CCND3: variants seen among roughly 807,000 people sequenced by gnomAD.
The protein encoded by CCND3 is G1/S-specific cyclin-D3.
CCND3 carries 9 observed loss-of-function variants against 28.7 expected under a neutral mutation model. That is an observed-to-expected ratio of 0.31 (90% CI 0.19 to 0.55). The LOEUF is 0.55. CCND3 is among the 20% of genes least tolerant of loss of function. The pLI is 0.93. For missense variants in CCND3, 315 were observed against 385.8 expected (o/e 0.82, Z 1.54); for synonymous variants, 164 against 163.9 (o/e 1.00, Z 0.00).
upstream of CCND3, among the ~76,000 whole-genome samples, chr6:41,946,573 C>G (rs1193359365): frequency 8.4e-6 from 1 of 118,724 alleles, no homozygotes; most frequent in Non-Finnish European, 1.6e-5. Flanking sequence ...TGCACTCCAC[C>G]CTGGGCAACA....
chr6:42,005,778 G>C (rs1160177660), intron 1 of CCND3, among the ~76,000 whole-genome samples: 1 of 151,846 alleles, frequency 6.6e-6, no homozygotes, highest in Non-Finnish European at 1.5e-5. Flanking sequence ...CCACCTCCCA[G>C]ATTCAGGCGA....
chr6:41,994,112 G>A (rs1439770980), intron 1 of CCND3, among the ~76,000 whole-genome samples: 4 of 149,700 alleles, frequency 2.7e-5, no homozygotes, highest in African/African-American at 7.4e-5. Context: ...CATATATGAC[G>A]GTGGTCCCAT....
Position 41,935,913 on chromosome 6 carries a change from T to G in CCND3, c.*27A>C, listed in dbSNP as rs1582079798. 2 of 1,590,640 alleles carry G rather than the reference T, an allele frequency of 1.3e-6. No homozygotes were observed. Among genetic ancestry groups the G allele is most frequent in the Admixed American group, 1.8e-5 (1 of 55,750 alleles). On this transcript the variant is annotated 3_prime_UTR_variant, in exon 5 of 5. Coordinates refer to ENST00000372991, the MANE Select transcript of CCND3 (RefSeq NM_001760.5). ...TGGCAGCGGCCCCTCCTCTGCTTAG[T>G]GGCCACTCCAGAGGGCCTCTCCAGG...
At chr6:41,960,012 A>T (rs1404912909) in intron 1 of CCND3, among the ~76,000 whole-genome samples, 1 of 152,230 alleles carries the variant, frequency 6.6e-6, no homozygotes, top group African/African-American at 2.4e-5. Context: ...TAAATGAAAT[A>T]ATATGGCATA....
At chr6:41,995,481 C>G (rs530188218) in intron 1 of CCND3, among the ~76,000 whole-genome samples, 1 of 152,176 alleles carries the variant, frequency 6.6e-6, no homozygotes, top group Non-Finnish European at 1.5e-5. Flanking sequence ...TGGTCTCGAA[C>G]TCCTGATCTT....
intron 1 of CCND3, among the ~76,000 whole-genome samples, chr6:41,959,180 A>G (rs1229287594): frequency 1.3e-5 from 2 of 152,200 alleles, no homozygotes; most frequent in East Asian, 3.9e-4. Flanking sequence ...TGGGAGTGAT[A>G]GCGCATACCT....
chr6:41,948,240 C>T (rs188173220), intron 1 of CCND3, among the ~76,000 whole-genome samples: 3 of 152,226 alleles, frequency 2.0e-5, no homozygotes, highest in Admixed American at 6.5e-5. Flanking sequence ...ATATACTTTG[C>T]TTGCATATTC....
intron 1 of CCND3, among the ~76,000 whole-genome samples, chr6:41,975,638 G>A (rs762523100): frequency 5.3e-5 from 8 of 152,106 alleles, no homozygotes; most frequent in Non-Finnish European, 1.0e-4. Flanking sequence ...GGAGAATTAA[G>A]GGAGGCAGCC....
At chr6:41,995,315 T>C (rs969249126) in intron 1 of CCND3, among the ~76,000 whole-genome samples, 1 of 152,034 alleles carries the variant, frequency 6.6e-6, no homozygotes, top group East Asian at 1.9e-4. Context: ...TGGAGTGCAG[T>C]GGTGCGATCT....
intron 1 of CCND3, among the ~76,000 whole-genome samples, chr6:42,013,008 C>T (rs1425214504): frequency 1.3e-5 from 2 of 152,114 alleles, no homozygotes; most frequent in Non-Finnish European, 2.9e-5. Context: ...CCCACTGGTC[C>T]GGTCCTGTTT....
At chr6:41,983,123 ATGCT>A (rs1193756279) in intron 1 of CCND3, among the ~76,000 whole-genome samples, 2 of 152,186 alleles carry the variant, frequency 1.3e-5, no homozygotes, top group Non-Finnish European at 2.9e-5. Flanking sequence ...TACCCCAGTA[ATGCT>A]AGCACTTTGG....
intron 1 of CCND3, among the ~76,000 whole-genome samples, chr6:41,951,541 G>GACACAC (rs1268678641): frequency 1.3e-5 from 1 of 78,018 alleles, no homozygotes; most frequent in Non-Finnish European, 2.6e-5. Context: ...CAGCCTGAGC[G>GACACAC]ACACACACAC....
At chr6:42,046,173 A>G (rs1392141606) in intron 1 of CCND3, among the ~76,000 whole-genome samples, 1 of 152,134 alleles carries the variant, frequency 6.6e-6, no homozygotes, top group Non-Finnish European at 1.5e-5. Flanking sequence ...AGGCCTCCCC[A>G]AACCTGTGGG....
chr6:41,994,492 C>T (rs1762739338), intron 1 of CCND3, among the ~76,000 whole-genome samples: 1 of 152,132 alleles, frequency 6.6e-6, no homozygotes, highest in East Asian at 1.9e-4. Context: ...ACAAACAGAG[C>T]ACAGAGGATT....
chr6:41,957,703 A>G (rs1355615492), intron 1 of CCND3, among the ~76,000 whole-genome samples: 2 of 152,156 alleles, frequency 1.3e-5, no homozygotes, highest in Non-Finnish European at 2.9e-5. Flanking sequence ...TGGAAGAGGT[A>G]CCCTGCATGA....
chr6:42,023,999 G>A (rs7750967), intron 1 of CCND3, among the ~76,000 whole-genome samples: 118,796 of 151,520 alleles, frequency 0.78, 46,736 homozygotes, highest in East Asian at 0.93. Flanking sequence ...AGTGCTGTAC[G>A]TGCATAAAGC....
At chr6:41,979,114 T>C (rs1466751524) in intron 1 of CCND3, among the ~76,000 whole-genome samples, 2 of 127,170 alleles carry the variant, frequency 1.6e-5, no homozygotes, top group Non-Finnish European at 3.1e-5. Context: ...GAGGTTTCAG[T>C]GAGCCGAGAT....
chr6:42,029,790 T>C (rs1763991375), intron 1 of CCND3, among the ~76,000 whole-genome samples: 1 of 142,676 alleles, frequency 7.0e-6, no homozygotes, highest in Admixed American at 7.3e-5. Context: ...TGAGTCAAGA[T>C]CACAACATTG....
intron 1 of CCND3, among the ~76,000 whole-genome samples, chr6:41,967,037 T>C (rs1394959327): frequency 6.6e-6 from 1 of 152,172 alleles, no homozygotes; most frequent in East Asian, 1.9e-4. Flanking sequence ...CGGCTAACCA[T>C]AGGTCGAAGG....
Sources: gnomAD v4.1 joint callset for allele counts (sites outside exome capture counted in the v4.1 genomes callset) on GRCh38, gnomAD v4.1.1 for gene constraint, MANE v1.5 for transcripts, NCBI Gene and HGNC (gene_info 2026-07-23, HGNC 2026-07-21) for gene names.